The following NFIB variants were observed in gnomAD, a reference collection of about 807,000 sequenced individuals.
NFIB encodes the protein nuclear factor I B.
NFIB carries 11 observed loss-of-function variants against 61.5 expected under a neutral mutation model. That is an observed-to-expected ratio of 0.18 (90% confidence interval 0.11 to 0.30). NFIB has a LOEUF of 0.30. Ranked by LOEUF, NFIB falls within the 10% of genes least tolerant of loss-of-function variation. The probability of loss-of-function intolerance (pLI) is 1.00; values close to 1 mark genes in which losing one functional copy is unlikely to be tolerated. For missense variants in NFIB, 471 were observed against 608.9 expected (o/e 0.77, Z 2.38); for synonymous variants, 260 against 216.5 (o/e 1.20, Z -1.76).
At chr9:14,293,570 T>C (rs1270356287) in intron 2 of NFIB, among the ~76,000 whole-genome samples, 1 of 152,338 alleles carries the variant, frequency 6.6e-6, no homozygotes, top group African/African-American at 2.4e-5. Context: ...AACAAAGCTG[T>C]AATGATGATG....
chr9:14,489,888 A>G, the NFIB span, among the ~76,000 whole-genome samples: 1 of 152,114 alleles, frequency 6.6e-6, no homozygotes, highest in Non-Finnish European at 1.5e-5. Flanking sequence ...ACAGCTCCAT[A>G]ATATGTACCA....
intron 2 of NFIB, among the ~76,000 whole-genome samples, chr9:14,269,209 C>G (rs1289177890): frequency 6.6e-6 from 1 of 152,120 alleles, no homozygotes; most frequent in African/African-American, 2.4e-5. Context: ...ACATCTCATT[C>G]TCTACAGATT....
intron 9 of NFIB, among the ~76,000 whole-genome samples, chr9:14,115,222 T>C (rs2037945085): frequency 6.6e-6 from 1 of 151,968 alleles, no homozygotes; most frequent in Admixed American, 6.5e-5. Flanking sequence ...GAATGAGTGG[T>C]GCATGCCTCT....
intron 1 of NFIB, among the ~76,000 whole-genome samples, chr9:14,373,848 C>T (rs2061387279): frequency 6.6e-6 from 1 of 152,092 alleles, no homozygotes; most frequent in South Asian, 2.1e-4. Flanking sequence ...TTTCAATCAC[C>T]AGGGGCAGCA....
At chr9:14,158,641 C>T (rs1467985065) in intron 3 of NFIB, among the ~76,000 whole-genome samples, 4 of 152,208 alleles carry the variant, frequency 2.6e-5, no homozygotes, top group Non-Finnish European at 5.9e-5. Context: ...CAGGGTCACA[C>T]ATTAACATCT....
chr9:14,503,371 T>G, the NFIB span, among the ~76,000 whole-genome samples: 1 of 152,132 alleles, frequency 6.6e-6, no homozygotes, highest in Non-Finnish European at 1.5e-5. Context: ...CTCCACACTG[T>G]TTTCCACAGC....
chr9:14,186,433 A>G (rs1245663258), intron 2 of NFIB, among the ~76,000 whole-genome samples: 1 of 152,204 alleles, frequency 6.6e-6, no homozygotes, highest in Non-Finnish European at 1.5e-5. Flanking sequence ...TTATTAATTG[A>G]TAATATAATA....
the NFIB span, among the ~76,000 whole-genome samples, chr9:14,528,413 G>C: frequency 6.6e-6 from 1 of 152,134 alleles, no homozygotes; most frequent in Non-Finnish European, 1.5e-5. Flanking sequence ...CAACTGAGCA[G>C]ACTGATTGGT....
chr9:14,150,911 C>G (rs2131161661), intron 4 of NFIB, among the ~76,000 whole-genome samples: 1 of 152,100 alleles, frequency 6.6e-6, no homozygotes, highest in East Asian at 1.9e-4. Context: ...CATTGTATGT[C>G]TTTATCAAAA....
At chr9:14,399,550 G>C (rs1032722299), upstream of NFIB, among the ~76,000 whole-genome samples, 1 of 152,034 alleles carries the variant, frequency 6.6e-6, no homozygotes, top group African/African-American at 2.4e-5. Flanking sequence ...CTACCCTTTG[G>C]TTTTTAATTT....
intron 4 of NFIB, among the ~76,000 whole-genome samples, chr9:14,153,158 T>C (rs1209202292): frequency 6.6e-6 from 1 of 152,114 alleles, no homozygotes; most frequent in Non-Finnish European, 1.5e-5. Context: ...TGTACACATA[T>C]TATGTTTTAA....
At chr9:14,359,321 T>C (rs1245106975) in intron 1 of NFIB, among the ~76,000 whole-genome samples, 1 of 152,244 alleles carries the variant, frequency 6.6e-6, no homozygotes, top group Non-Finnish European at 1.5e-5. Context: ...ATGTGGGCTC[T>C]ATATACAATC....
chr9:14,321,761 G>A (rs10961476), intron 1 of NFIB, among the ~76,000 whole-genome samples: 1 of 152,256 alleles, frequency 6.6e-6, no homozygotes, highest in African/African-American at 2.4e-5. Flanking sequence ...TTGCAAATTA[G>A]TTCTGCAAAT....
chr9:14,204,745 T>C (rs1005498523), intron 2 of NFIB: 15 of 576,158 alleles, frequency 2.6e-5, no homozygotes, highest in Non-Finnish European at 4.4e-5. Context: ...TCGAGCTGGT[T>C]GTGTTCCTGC....
At chr9:14,361,200 C>T (rs909423546) in intron 1 of NFIB, 1 of 150,468 alleles carries the variant, frequency 6.6e-6, no homozygotes, top group African/African-American at 2.4e-5. Context: ...AAGTTTAACT[C>T]AGATAACATT....
the NFIB span, among the ~76,000 whole-genome samples, chr9:14,412,768 G>C: frequency 1.3e-5 from 2 of 152,188 alleles, no homozygotes; most frequent in South Asian, 4.1e-4. Context: ...CATGGGATAC[G>C]TAATTAAACT....
At chr9:14,112,750 A>G (rs1400759644) in intron 10 of NFIB, among the ~76,000 whole-genome samples, 2 of 152,218 alleles carry the variant, frequency 1.3e-5, no homozygotes, top group African/African-American at 4.8e-5. Context: ...TGGCTGAAAC[A>G]CTATTACTCA....
At chr9:14,184,659 C>T (rs1246093159) in intron 2 of NFIB, among the ~76,000 whole-genome samples, 1 of 152,170 alleles carries the variant, frequency 6.6e-6, no homozygotes. Context: ...TACACTGCAA[C>T]TATCTGAGGT....
chr9:14,225,452 G>C (rs1230010353), intron 2 of NFIB, among the ~76,000 whole-genome samples: 1 of 49,642 alleles, frequency 2.0e-5, no homozygotes, highest in African/African-American at 8.6e-5. Context: ...GCGAGACTCC[G>C]TCTCAAAAAA....
Sources: allele counts gnomAD v4.1 joint callset (sites outside exome capture counted in the v4.1 genomes callset), GRCh38; gene constraint gnomAD v4.1.1; transcripts MANE v1.5; gene names NCBI Gene and HGNC (gene_info 2026-07-23, HGNC 2026-07-21).